Variants in ANKRD26 observed in about 807,000 individuals in gnomAD.
The protein encoded by ANKRD26 is ankyrin repeat domain-containing protein 26.
A neutral mutation model predicts 208.7 loss-of-function variants in ANKRD26; 141 were observed. That is an observed-to-expected ratio of 0.68 (90% CI 0.59 to 0.78). The LOEUF (loss-of-function observed/expected upper bound fraction) is 0.78, where lower values mean the gene tolerates loss of function less well. Among genes scored for constraint, ANKRD26 ranks in the 30% least tolerant of loss-of-function variants. The pLI is 0.00. For synonymous variants in ANKRD26, 636 were observed against 660.4 expected (o/e 0.96, Z 0.57); for missense variants, 1,889 against 1,938.7 (o/e 0.97, Z 0.48).
rs1001547593 is a variant in ANKRD26 at position 27,092,639 on chromosome 10, C to A, written c.532-127G>T. 7 of 748,012 alleles carry A rather than the reference C, an allele frequency of 9.4e-6. No homozygotes were observed. In the Admixed American group the frequency reaches 1.4e-4, roughly 15 times the overall value. 46.3% of individuals were successfully genotyped at this position (748,012 alleles called of 1,614,324 possible). Reference sequence around the variant, plus strand: ...GAAAACAAATAAAAAACACTTGCTTCCCTTGGAAACACCCCTCCTCTGCCT... The same window carrying A: ...GAAAACAAATAAAAAACACTTGCTTACCTTGGAAACACCCCTCCTCTGCCT... On this transcript the variant is annotated intron_variant, in intron 3 of 33. Coordinates refer to ENST00000376087, the MANE Select transcript of ANKRD26 (RefSeq NM_014915.3).
At chr10:26,972,222 G>C (rs966655634), downstream of ANKRD26, among the ~76,000 whole-genome samples, 19 of 143,906 alleles carry the variant, frequency 1.3e-4, no homozygotes, top group Admixed American at 2.1e-4. Flanking sequence ...GCGACAGAGC[G>C]AGACTCCGTC....
rs569610794 is a variant in ANKRD26, at chr10:26,978,916, A to G, written c.*281+1660T>C. 4.7e-3 allele frequency among the ~76,000 whole-genome samples: 716 copies of G among 152,196 alleles called. 3 individuals are homozygous for G. The highest frequency in any genetic ancestry group is 0.016 in the South Asian group (79 of 4,824). On this transcript the variant is annotated intron_variant and NMD_transcript_variant, in intron 5 of 5. Transcript: ENST00000674670. ...ACATACCCTCCTGTTTCAGTCCTAC[A>G]CCAACTTAGAAATAAAACCAAAAGG...
chr10:26,983,018 C>T (rs1564330899), intron 3 of ANKRD26, among the ~76,000 whole-genome samples: 1 of 152,130 alleles, frequency 6.6e-6, no homozygotes, highest in Non-Finnish European at 1.5e-5. Flanking sequence ...AGATATAAAT[C>T]CAAAATTCAG....
At position 27,007,985 on chromosome 10, in the gene ANKRD26, G is replaced by T. The variant is rs940290877; in HGVS notation, c.4954-1023C>A. On this transcript the variant is annotated intron_variant, in intron 32 of 33. Coordinates refer to ENST00000376087, the MANE Select transcript of ANKRD26 (RefSeq NM_014915.3). ...ACAAAAAATATATAGCTCTTTAATT[G>T]TAATTTTGATTTCAGAAATTAGTAC... 6.6e-5 allele frequency among the ~76,000 whole-genome samples: 10 copies of T among 151,926 alleles called. No individual in the cohort carries two copies. The East Asian group carries it at 1.7e-3, about 26-fold the overall frequency.
intron 6 of ANKRD26, among the ~76,000 whole-genome samples, chr10:27,082,327 G>C (rs924040429): frequency 1.9e-4 from 29 of 152,218 alleles, no homozygotes; most frequent in African/African-American, 6.8e-4. Context: ...CCACAGCTAA[G>C]TGAGATCTGG....
chr10:27,014,520 T>A lies in ANKRD26; in HGVS notation c.4698A>T (p.Arg1566Ser), dbSNP rs1237696600. The A allele has an allele frequency of 6.3e-7, 1 of 1,586,350 alleles. No homozygotes were observed. The highest frequency in any genetic ancestry group is 1.7e-5 in the Admixed American group (1 of 58,956). Residue 1566 changes from arginine to serine, a missense_variant, in exon 31 of 34, where the codon AGA (arginine) becomes AGT (serine). By Grantham distance (110) the Arg-to-Ser change is moderately radical. Coordinates refer to ENST00000376087, the MANE Select transcript of ANKRD26 (RefSeq NM_014915.3). ...KQLYLEELKV[R>S]KSLSSKLTKT... ...TGGTTAGTTTACTTGACAAAGATTT[T>A]CTAACTTTTAATTCTTCTAGATAGA...
chr10:27,072,323 G>T (rs775583223), intron 9 of ANKRD26, among the ~76,000 whole-genome samples: 3 of 152,192 alleles, frequency 2.0e-5, no homozygotes, highest in South Asian at 2.1e-4. Context: ...AGCTCCTTCT[G>T]TGGATTCTTT....
At chr10:27,092,003 A>T (rs575666082) in intron 4 of ANKRD26, among the ~76,000 whole-genome samples, 7 of 151,890 alleles carry the variant, frequency 4.6e-5, no homozygotes, top group Non-Finnish European at 8.8e-5. Flanking sequence ...AAAAAAGTAA[A>T]CTAAAAGTTA....
At chr10:26,992,501 CACACACAG>C (rs138595807) in intron 5 of ANKRD26, among the ~76,000 whole-genome samples, 2,435 of 149,936 alleles carry the variant, frequency 0.016, 62 homozygotes, top group African/African-American at 0.047. Flanking sequence ...CACACACACA[CACACACAG>C]AGAGAAAAAG....
downstream of ANKRD26, among the ~76,000 whole-genome samples, chr10:26,999,692 T>C (rs866090229): frequency 5.5e-4 from 83 of 151,808 alleles, no homozygotes; most frequent in African/African-American, 1.9e-3. Context: ...GAGAATGCCC[T>C]GAAAGGCTGA....
chr10:27,026,559 T>C (rs1354489196), intron 27 of ANKRD26, among the ~76,000 whole-genome samples: 5 of 152,220 alleles, frequency 3.3e-5, no homozygotes, highest in Non-Finnish European at 5.9e-5. Context: ...CTTCCTGTTG[T>C]GACTTAAAGA....
chr10:26,980,775 T>C (rs1285921262), exon 5 of ANKRD26, among the ~76,000 whole-genome samples: 1 of 152,040 alleles, frequency 6.6e-6, no homozygotes, highest in Non-Finnish European at 1.5e-5. Flanking sequence ...GGCTAGAGCA[T>C]GCAGGCAGAG....
At chr10:26,980,193 T>C (rs1202867055) in intron 5 of ANKRD26, among the ~76,000 whole-genome samples, 1 of 152,250 alleles carries the variant, frequency 6.6e-6, no homozygotes, top group Non-Finnish European at 1.5e-5. Context: ...TCTGGTGGCA[T>C]TGCTGGATTT....
the ANKRD26 span, among the ~76,000 whole-genome samples, chr10:26,953,335 G>A: frequency 3.3e-5 from 5 of 152,290 alleles, no homozygotes; most frequent in Admixed American, 2.6e-4. Flanking sequence ...AGGCAGGGAT[G>A]TTTGCTTGAG....
intron 12 of ANKRD26, 77 bp downstream of exon 12, chr10:27,063,911 T>C (rs2055151934): frequency 5.0e-6 from 6 of 1,194,344 alleles, no homozygotes; most frequent in Non-Finnish European, 7.3e-6. Flanking sequence ...TCTTCGGCTA[T>C]TAGAATATAT....
At chr10:27,028,728 A>G in intron 27 of ANKRD26, 124 bp downstream of exon 27, 1 of 751,990 alleles carries the variant, frequency 1.3e-6, no homozygotes, top group South Asian at 1.8e-5. Flanking sequence ...ATTCCAAAAT[A>G]AAAAAAAATC....
In ANKRD26 at chr10:27,097,193, AG is replaced by A. The variant is rs1166465163; in HGVS notation, c.242+2891del. 2.0e-5 allele frequency among the ~76,000 whole-genome samples: 3 copies of A among 151,120 alleles called. No individual in the cohort carries two copies. The East Asian group carries it at 5.8e-4, about 29-fold the overall frequency. On this transcript the variant is annotated intron_variant, in intron 1 of 33. Coordinates refer to ENST00000376087, the MANE Select transcript of ANKRD26 (RefSeq NM_014915.3). ...CGAGACTTCACCTCAAAAACAAAAA[AG>A]GCCAGGCGCGGTGGCTCAAGCCTGT...
Position 27,086,568 on chromosome 10 carries a change from G to A in ANKRD26, c.680C>T (p.Pro227Leu). The A allele has an allele frequency of 6.2e-7, 1 of 1,605,438 alleles. No individual in the cohort carries two copies. Among genetic ancestry groups the A allele is most frequent in the Non-Finnish European group, 8.5e-7 (1 of 1,174,778 alleles). Residue 227 changes from proline to leucine, a missense_variant, in exon 5 of 34, where the codon CCT becomes CTT. By Grantham distance (98) the Pro-to-Leu change is moderately conservative. Transcript: ENST00000376087. ...ATTACTATTTTGAGAAGAATGTTTA[G>A]GTATCCTTTCTTCTTTATATTCTGA... is the stretch of plus-strand genomic sequence containing the variant. ...LISEYKEERIPKHSSQNSNSV... is the reference protein window; with the variant it reads ...LISEYKEERILKHSSQNSNSV...
chr10:26,955,378 A>G, the ANKRD26 span, among the ~76,000 whole-genome samples: 3 of 152,088 alleles, frequency 2.0e-5, no homozygotes, highest in Admixed American at 6.5e-5. Context: ...CAGTGAGCCG[A>G]GATCGCACCA....
Sources: allele counts gnomAD v4.1 joint callset (sites outside exome capture counted in the v4.1 genomes callset), GRCh38; gene constraint gnomAD v4.1.1; transcripts MANE v1.5; gene names NCBI Gene and HGNC (gene_info 2026-07-23, HGNC 2026-07-21).